Variants in ENOX1 observed in about 807,000 individuals in gnomAD.
The protein encoded by ENOX1 is candidate growth-related and time keeping constitutive hydroquinone (NADH) oxidase.
ENOX1 carries 42 observed loss-of-function variants against 82.5 expected under a neutral mutation model. The observed-to-expected ratio is 0.51, with a 90% CI of 0.40 to 0.66. The LOEUF (loss-of-function observed/expected upper bound fraction) is 0.66, where lower values mean the gene tolerates loss of function less well. Among genes scored for constraint, ENOX1 ranks in the 30% least tolerant of loss-of-function variants. The pLI is 0.00. For synonymous variants in ENOX1, 271 were observed against 282.2 expected (o/e 0.96, Z 0.40); for missense variants, 608 against 811.6 (o/e 0.75, Z 3.05).
At chr13:43,298,226 T>C (rs1254697280) in intron 12 of ENOX1, 120 bp downstream of exon 12, 1 of 1,071,634 alleles carries the variant, frequency 9.3e-7, no homozygotes, top group Non-Finnish European at 1.3e-6. Flanking sequence ...CCTAGTAACA[T>C]AGCTTTTTGG....
chr13:43,782,864 T>C (rs1462885003), intron 1 of ENOX1, among the ~76,000 whole-genome samples: 1 of 152,160 alleles, frequency 6.6e-6, no homozygotes, highest in Non-Finnish European at 1.5e-5. Flanking sequence ...CACTATCACC[T>C]CTCTCAGAGA....
At chr13:43,370,536 G>A (rs1020140182) in intron 5 of ENOX1, among the ~76,000 whole-genome samples, 2 of 152,154 alleles carry the variant, frequency 1.3e-5, no homozygotes, top group African/African-American at 4.8e-5. Flanking sequence ...TGTGTACTAA[G>A]TTATTTTCCC....
intron 11 of ENOX1, among the ~76,000 whole-genome samples, chr13:43,302,729 C>G (rs1287303939): frequency 6.6e-6 from 1 of 152,202 alleles, no homozygotes; most frequent in Non-Finnish European, 1.5e-5. Context: ...GTGACCTCCT[C>G]TTCTGTCTCC....
At chr13:43,442,282 T>C (rs2056403583) in intron 3 of ENOX1, among the ~76,000 whole-genome samples, 1 of 152,190 alleles carries the variant, frequency 6.6e-6, no homozygotes, top group Non-Finnish European at 1.5e-5. Context: ...AGGTCAACAC[T>C]CAAGTGTTTT....
intron 1 of ENOX1, among the ~76,000 whole-genome samples, chr13:43,727,027 C>G (rs568410619): frequency 6.6e-6 from 1 of 152,300 alleles, no homozygotes; most frequent in South Asian, 2.1e-4. Flanking sequence ...CAGGCGTGTG[C>G]ATGGATTTTT....
intron 14 of ENOX1, among the ~76,000 whole-genome samples, chr13:43,246,410 C>G (rs2043084649): frequency 6.6e-6 from 1 of 152,200 alleles, no homozygotes; most frequent in Non-Finnish European, 1.5e-5. Context: ...CACTCAGGAG[C>G]CAGCCAGGCT....
At chr13:43,583,995 C>T (rs2080866627) in intron 2 of ENOX1, among the ~76,000 whole-genome samples, 1 of 152,158 alleles carries the variant, frequency 6.6e-6, no homozygotes. Flanking sequence ...AATGTAACTG[C>T]ATGTGCACAG....
At chr13:43,718,676 C>CAAAAAAAAAAAAAA (rs61671392) in intron 1 of ENOX1, among the ~76,000 whole-genome samples, 3 of 55,586 alleles carry the variant, frequency 5.4e-5, no homozygotes, top group African/African-American at 2.4e-4. Context: ...GACTCCGTCT[C>CAAAAAAAAAAAAAA]AAAAAAAAAA....
intron 2 of ENOX1, among the ~76,000 whole-genome samples, chr13:43,538,829 G>A (rs7321845): frequency 4.3e-5 from 1 of 23,342 alleles, no homozygotes; most frequent in Admixed American, 4.3e-4. Context: ...TTTCCTCCCC[G>A]CCCCTGCCCT....
chr13:43,652,833 AAAG>A (rs942378651), intron 2 of ENOX1, among the ~76,000 whole-genome samples: 34 of 152,372 alleles, frequency 2.2e-4, no homozygotes, highest in African/African-American at 8.2e-4. Flanking sequence ...TCATTGGTCC[AAAG>A]GAGAAAGACA....
intron 1 of ENOX1, among the ~76,000 whole-genome samples, chr13:43,773,651 T>A (rs1428008522): frequency 2.6e-5 from 4 of 152,204 alleles, no homozygotes; most frequent in African/African-American, 9.6e-5. Context: ...TACTCTTCCA[T>A]ATAAGCCTCC....
In ENOX1 at chr13:43,532,494, C is replaced by T. The variant is rs76959571; in HGVS notation, c.-218-48342G>A. Among the ~76,000 whole-genome samples the T allele has an allele frequency of 1.3e-3, 203 of 152,082 alleles. 1 individual carries two copies. Among genetic ancestry groups the T allele is most frequent in the African/African-American group, 4.7e-3 (196 of 41,478 alleles). On this transcript the variant is annotated intron_variant, in intron 2 of 16. Transcript: ENST00000690772. ...TTTTTTACTGTGTTGACATTTGCAC[C>T]GATGGGGCAAAAGCAATGGTTGGTA... is the stretch of plus-strand genomic sequence containing the variant.
At chr13:43,768,062 G>A (rs769293107) in intron 1 of ENOX1, among the ~76,000 whole-genome samples, 6 of 152,160 alleles carry the variant, frequency 3.9e-5, no homozygotes, top group Non-Finnish European at 8.8e-5. Flanking sequence ...CCATTCCAGT[G>A]AGCTTAAGCC....
chr13:43,774,423 T>C (rs1435499986), intron 1 of ENOX1, among the ~76,000 whole-genome samples: 2 of 152,196 alleles, frequency 1.3e-5, no homozygotes, highest in African/African-American at 4.8e-5. Flanking sequence ...GCAGGCATAA[T>C]TGGTGTTTTG....
At chr13:43,336,483 T>A (rs1255694790) in intron 9 of ENOX1, among the ~76,000 whole-genome samples, 1 of 152,264 alleles carries the variant, frequency 6.6e-6, no homozygotes, top group African/African-American at 2.4e-5. Context: ...ACAATAATTC[T>A]GACCAATCTT....
At position 43,265,715 on chromosome 13, in the gene ENOX1, C is replaced by T. The variant is rs187480675; in HGVS notation, c.1555-261G>A. ...TAAATAATAAGATTAGAAAGCAGTT[C>T]CATAGGCATAAAATGTATAAAATTG... On this transcript the variant is annotated intron_variant, in intron 13 of 16. Coordinates refer to ENST00000690772, the MANE Select transcript of ENOX1 (RefSeq NM_001347969.2). 2.6e-5 allele frequency among the ~76,000 whole-genome samples: 4 copies of T among 152,184 alleles called. No homozygotes were observed. In the East Asian group the frequency reaches 7.7e-4, roughly 29 times the overall value.
chr13:43,711,218 T>C (rs1412601425), intron 1 of ENOX1, among the ~76,000 whole-genome samples: 1 of 152,026 alleles, frequency 6.6e-6, no homozygotes, highest in Non-Finnish European at 1.5e-5. Context: ...TGGTTTCCAG[T>C]TTCATCCATG....
At position 43,432,638 on chromosome 13, in the gene ENOX1, G is replaced by A. The variant is rs2055747876; in HGVS notation, c.-74-19650C>T. Among the ~76,000 whole-genome samples the A allele has an allele frequency of 1.3e-5, 2 of 152,054 alleles. 1 individual carries two copies. The highest frequency in any genetic ancestry group is 4.2e-4 in the South Asian group (2 of 4,812). On this transcript the variant is annotated intron_variant, in intron 3 of 16. Coordinates refer to ENST00000690772, the MANE Select transcript of ENOX1 (RefSeq NM_001347969.2). The stretch of plus-strand genomic sequence containing the variant: ...AGCCTGGGCAACAGAGTGAGACTCT[G>A]TCTCAAAAAATGAATAAATACATAA...
At chr13:43,505,350 A>G (rs748091308) in intron 2 of ENOX1, among the ~76,000 whole-genome samples, 1 of 151,980 alleles carries the variant, frequency 6.6e-6, no homozygotes, top group Non-Finnish European at 1.5e-5. Flanking sequence ...TGATCAAAAG[A>G]AGGCAGAAAT....
Sources: gnomAD v4.1 joint callset for allele counts (sites outside exome capture counted in the v4.1 genomes callset) on GRCh38, gnomAD v4.1.1 for gene constraint, MANE v1.5 for transcripts, NCBI Gene and HGNC (gene_info 2026-07-23, HGNC 2026-07-21) for gene names.